Variants in DENND2A observed in about 807,000 individuals in gnomAD.
DENND2A encodes the protein DENN domain-containing protein 2A.
A neutral mutation model predicts 105.3 loss-of-function variants in DENND2A; 53 were observed. That is an observed-to-expected ratio of 0.50 (90% CI 0.40 to 0.63). The LOEUF is 0.63. Among genes scored for constraint, DENND2A ranks in the 30% least tolerant of loss-of-function variants. DENND2A has a pLI of 0.00. For missense variants in DENND2A, 1,138 were observed against 1,279.6 expected (o/e 0.89, Z 1.69); for synonymous variants, 522 against 508.4 (o/e 1.03, Z -0.36).
At chr7:140,556,871 G>A (rs915178888) in intron 11 of DENND2A, among the ~76,000 whole-genome samples, 1 of 152,096 alleles carries the variant, frequency 6.6e-6, no homozygotes. Flanking sequence ...TCAAAAGAAT[G>A]GGCCTGAAAA....
At chr7:140,567,005 C>T in intron 9 of DENND2A, 81 bp downstream of exon 9, 1 of 1,333,568 alleles carries the variant, frequency 7.5e-7, no homozygotes, top group Non-Finnish European at 1.0e-6. Flanking sequence ...CTCAGACTCC[C>T]ACACCTCCCT....
intron 14 of DENND2A, among the ~76,000 whole-genome samples, chr7:140,531,694 A>G (rs1277595357): frequency 6.6e-6 from 1 of 151,768 alleles, no homozygotes; most frequent in Non-Finnish European, 1.5e-5. Flanking sequence ...GTGTGCCTGT[A>G]ATCCCAGCTA....
chr7:140,618,584 C>T (rs778741817), intron 1 of DENND2A, among the ~76,000 whole-genome samples: 10 of 152,184 alleles, frequency 6.6e-5, no homozygotes, highest in Admixed American at 2.6e-4. Flanking sequence ...AGTGCTCCTT[C>T]GACAATATTC....
chr7:140,585,689 G>A lies in DENND2A; in HGVS notation c.1145C>T (p.Pro382Leu), dbSNP rs763847757. 6 of 1,614,070 alleles carry A rather than the reference G, an allele frequency of 3.7e-6. No individual in the cohort carries two copies. In the East Asian group the frequency reaches 8.9e-5, roughly 24 times the overall value. The change falls in exon 5 of 20, where the codon CCT (proline) becomes CTT (leucine). Residue 382 changes from proline (P) to leucine (L), a missense_variant. By Grantham distance (98) the Pro-to-Leu change is moderately conservative. Transcript: ENST00000496613. ...DILDPPMKEN[P>L]YEDIELHGRC... Reference sequence around the variant, plus strand: ...ACCATGTAACTCGATGTCCTCATAAGGGTTCTCCTTCATTGGCGGATCTGT... The same window carrying A: ...ACCATGTAACTCGATGTCCTCATAAAGGTTCTCCTTCATTGGCGGATCTGT...
At chr7:140,555,076 T>TCA (rs1402472988) in intron 12 of DENND2A, among the ~76,000 whole-genome samples, 1 of 151,566 alleles carries the variant, frequency 6.6e-6, no homozygotes, top group Non-Finnish European at 1.5e-5. Context: ...TTTCTCAACT[T>TCA]CAATTATCTT....
At chr7:140,535,889 C>T (rs1796437975) in intron 14 of DENND2A, among the ~76,000 whole-genome samples, 1 of 152,032 alleles carries the variant, frequency 6.6e-6, no homozygotes, top group Non-Finnish European at 1.5e-5. Flanking sequence ...GCCGTCCTTC[C>T]AACTTTAACA....
Position 140,615,537 on chromosome 7 carries a change from T to TTC in DENND2A, c.-247-9732_-247-9731insGA, listed in dbSNP as rs58206361. On this transcript the variant is annotated intron_variant, in intron 1 of 19. Transcript: ENST00000496613. ...GCCCATTTCTAGGAGTTCTGCTTTT[T>TTC]TTTTTTTTTTTCTTTTTTGAGACGG... 3.9e-3 allele frequency among the ~76,000 whole-genome samples: 596 copies of TTC among 151,894 alleles called. 2 individuals are homozygous for TTC. The highest frequency in any genetic ancestry group is 0.013 in the African/African-American group (553 of 41,340).
At position 140,522,189 on chromosome 7, in the gene DENND2A, A is replaced by G. The variant is rs745571764; in HGVS notation, c.2666-89T>C. ...ACAAGCCAATTGGTAATCAAAGAAC[A>G]GTAACTGCTAGTTCCCTTGATGGAA... On this transcript the variant is annotated intron_variant, in intron 17 of 19. Coordinates refer to ENST00000496613, the MANE Select transcript of DENND2A (RefSeq NM_015689.5). The G allele has an allele frequency of 1.9e-5, 28 of 1,503,872 alleles. No individual in the cohort carries two copies. The Admixed American group carries it at 3.8e-4, about 20-fold the overall frequency. 93.2% of individuals were successfully genotyped at this position (1,503,872 alleles called of 1,614,324 possible).
chr7:140,555,934 G>A (rs1192839584), intron 11 of DENND2A, among the ~76,000 whole-genome samples: 1 of 152,070 alleles, frequency 6.6e-6, no homozygotes, highest in Non-Finnish European at 1.5e-5. Flanking sequence ...TTTCAAGTGA[G>A]AAATCATTTC....
At chr7:140,577,932 G>C (rs767329028) in intron 5 of DENND2A, among the ~76,000 whole-genome samples, 1 of 152,118 alleles carries the variant, frequency 6.6e-6, no homozygotes, top group East Asian at 1.9e-4. Context: ...TCCTAAGAAC[G>C]ATGTGTCAGA....
Position 140,559,880 on chromosome 7 carries a change from T to C in DENND2A, c.1780-63A>G. 1 of 1,270,198 alleles carries C rather than the reference T, an allele frequency of 7.9e-7. No individual in the cohort carries two copies. Among genetic ancestry groups the C allele is most frequent in the Non-Finnish European group, 1.1e-6 (1 of 876,334 alleles). 78.7% of individuals were successfully genotyped at this position (1,270,198 alleles called of 1,614,324 possible). A position where few individuals can be genotyped will look rare whatever the true frequency, so the allele number is the denominator to read the frequency against. The stretch of plus-strand genomic sequence containing the variant: ...TCTCAGCATGGGAAATTGAGGCGGA[T>C]GATGGTAAGGATGGCCTCTCCCACC... On this transcript the variant is annotated intron_variant, in intron 9 of 19. Transcript: ENST00000496613. The surrounding 1 kb of genome is among the most constrained non-coding windows in gnomAD (Gnocchi z 4.1).
intron 3 of DENND2A, among the ~76,000 whole-genome samples, chr7:140,592,543 C>T (rs1799103198): frequency 6.6e-6 from 1 of 150,394 alleles, no homozygotes; most frequent in Non-Finnish European, 1.5e-5. Context: ...CAGGGTTTTG[C>T]CATGTTGGGC....
At position 140,546,869 on chromosome 7, in the gene DENND2A, A is replaced by G; in HGVS notation, c.2108T>C (p.Met703Thr). ...ALVQPLMRSV[M>T]EAPFPALGKT... ...GCCCAGGGCTGGGAAAGGGGCTTCC[A>G]TGACACTTCTCATGAGTGGCTGAAC... Residue 703 changes from methionine to threonine, a missense_variant, in exon 13 of 20, where the codon ATG (methionine) becomes ACG (threonine). Coordinates refer to ENST00000496613, the MANE Select transcript of DENND2A (RefSeq NM_015689.5). 3.1e-6 allele frequency: 5 copies of G among 1,614,186 alleles called. No individual in the cohort carries two copies. In the South Asian group the frequency reaches 4.4e-5, roughly 14 times the overall value.
intron 15 of DENND2A, among the ~76,000 whole-genome samples, chr7:140,526,033 T>C (rs1319330616): frequency 6.6e-6 from 1 of 152,160 alleles, no homozygotes; most frequent in Non-Finnish European, 1.5e-5. Context: ...GCATGTGTGC[T>C]GTGGCTGGAC....
rs11358052 is a variant in DENND2A at position 140,608,675 on chromosome 7, T to TA, written c.-247-2870dup. ...CAGGTGACACAGTGAGACTCTGTCTTAAAAAAAAAAAAAAAAATCATTAAT... is the reference window on the plus strand; with the variant it reads ...CAGGTGACACAGTGAGACTCTGTCTTAAAAAAAAAAAAAAAAAATCATTAAT... On this transcript the variant is annotated intron_variant, in intron 1 of 19. Coordinates refer to ENST00000496613, the MANE Select transcript of DENND2A (RefSeq NM_015689.5). 6.5e-3 allele frequency among the ~76,000 whole-genome samples: 895 copies of TA among 137,564 alleles called. 6 individuals carry two copies. The highest frequency in any genetic ancestry group is 0.017 in the African/African-American group (654 of 38,314). 90.2% of individuals were successfully genotyped at this position (137,564 alleles called of 152,430 possible). A position where few individuals can be genotyped will look rare whatever the true frequency, so the allele number is the denominator to read the frequency against.
chr7:140,604,436 A>G (rs1252093633), intron 2 of DENND2A, among the ~76,000 whole-genome samples: 1 of 152,256 alleles, frequency 6.6e-6, no homozygotes, highest in Non-Finnish European at 1.5e-5. Flanking sequence ...GATTCCTAAC[A>G]GTGTGTTTAC....
chr7:140,578,749 T>C (rs1009478885), intron 5 of DENND2A, among the ~76,000 whole-genome samples: 1 of 151,764 alleles, frequency 6.6e-6, no homozygotes, highest in Non-Finnish European at 1.5e-5. Context: ...GGTGTGGTAG[T>C]GGGCACCTGC....
chr7:140,607,075 C>T (rs980583927), intron 1 of DENND2A, among the ~76,000 whole-genome samples: 9 of 152,144 alleles, frequency 5.9e-5, no homozygotes, highest in Non-Finnish European at 2.9e-5. Flanking sequence ...GACTAGAGCT[C>T]AAGGCATATC....
rs1013544362 is a variant in DENND2A, at chr7:140,527,560, G to A, written c.2328-65C>T. 7 of 1,477,418 alleles carry A rather than the reference G, an allele frequency of 4.7e-6. No individual in the cohort carries two copies. The East Asian group carries it at 1.4e-4, about 29-fold the overall frequency. The allele number at this position is 1,477,418 out of a possible 1,614,324, so 91.5% of individuals were successfully genotyped here. ...CGAGGGCCCGAGGAAGCCTCCAGGGGAGAAGGCTCCTCCCAGAGACAGGAT... is the reference window on the plus strand; with the variant it reads ...CGAGGGCCCGAGGAAGCCTCCAGGGAAGAAGGCTCCTCCCAGAGACAGGAT... On this transcript the variant is annotated intron_variant, in intron 14 of 19. Coordinates refer to ENST00000496613, the MANE Select transcript of DENND2A (RefSeq NM_015689.5). The surrounding 1 kb of genome is among the most constrained non-coding windows in gnomAD (Gnocchi z 4.9).
Sources: gnomAD v4.1 joint callset for allele counts (sites outside exome capture counted in the v4.1 genomes callset) on GRCh38, gnomAD v4.1.1 for gene constraint, Gnocchi (gnomAD v3.1) non-coding constraint, MANE v1.5 for transcripts, NCBI Gene and HGNC (gene_info 2026-07-23, HGNC 2026-07-21) for gene names.